USP7: variants seen among roughly 807,000 people sequenced by gnomAD.
USP7 encodes the protein ubiquitin specific peptidase 7, also known as ubiquitin C-terminal hydrolase 7.
In USP7, 9 loss-of-function variants were observed where a neutral mutation model predicts 162.9. The ratio of observed to expected loss-of-function variants is 0.06; its 90% CI spans 0.03 to 0.10. The LOEUF is 0.10. Among genes scored for constraint, USP7 ranks in the 10% least tolerant of loss-of-function variants. USP7 has a pLI of 1.00. For missense variants in USP7, 715 were observed against 1,373.7 expected, an observed-to-expected ratio of 0.52 and a Z score of 7.58; for synonymous variants, 562 against 475.9, an observed-to-expected ratio of 1.18 and a Z score of -2.35.
In USP7 at chr16:8,897,698, CAAAA is replaced by C. The variant is rs55635828; in HGVS notation, c.2719-603_2719-600del. 7.6e-4 allele frequency among the ~76,000 whole-genome samples: 27 copies of C among 35,596 alleles called. 1 individual carries two copies. The highest frequency in any genetic ancestry group is 1.2e-3 in the East Asian group (1 of 842). The allele number at this position is 35,596 out of a possible 152,430, so 23.4% of individuals were successfully genotyped here. A position where few individuals can be genotyped will look rare whatever the true frequency, so the allele number is the denominator to read the frequency against. On this transcript the variant is annotated intron_variant, in intron 25 of 30. Transcript: ENST00000344836. ...GCAATATAGTGAGACCCTGTCTCTA[CAAAA>C]AAAAAAAAAAAAAAAAAAAAAAAAA...
intron 10 of USP7, among the ~76,000 whole-genome samples, chr16:8,913,948 G>C (rs1477641304): frequency 6.6e-6 from 1 of 151,838 alleles, no homozygotes; most frequent in African/African-American, 2.4e-5. Context: ...ATGTTGCCCA[G>C]GCTGGCCTCA....
intron 2 of USP7, among the ~76,000 whole-genome samples, chr16:8,927,336 GAAAGTT>G (rs796801010): frequency 1.3e-5 from 2 of 151,546 alleles, no homozygotes; most frequent in South Asian, 4.2e-4. Flanking sequence ...AAAAAAGAAA[GAAAGTT>G]AAAGAAAAAC....
intron 1 of USP7, among the ~76,000 whole-genome samples, chr16:8,958,620 A>C (rs899120094): frequency 2.6e-5 from 4 of 152,180 alleles, no homozygotes; most frequent in Admixed American, 6.5e-5. Flanking sequence ...TAGAGACAGC[A>C]GAGTTCAAAG....
At position 8,892,530 on chromosome 16, in the gene USP7, C is replaced by T. The variant is rs897274720; in HGVS notation, c.*1468G>A. 7 of 151,320 alleles carry T rather than the reference C, an allele frequency of 4.6e-5. No homozygotes were observed. The highest frequency in any genetic ancestry group is 2.0e-4 in the East Asian group (1 of 5,104). 9.4% of individuals were successfully genotyped at this position (151,320 alleles called of 1,614,324 possible). On this transcript the variant is annotated 3_prime_UTR_variant, in exon 31 of 31. Transcript: ENST00000344836. Reference sequence around the variant, plus strand: ...CTCGTGACACATCAGGTCACATCTCCAGTCACCTTATTTGTACACAGTTCT... The same window carrying T: ...CTCGTGACACATCAGGTCACATCTCTAGTCACCTTATTTGTACACAGTTCT...
chr16:8,928,228 C>T (rs933877457), intron 2 of USP7, among the ~76,000 whole-genome samples: 1 of 152,158 alleles, frequency 6.6e-6, no homozygotes, highest in Admixed American at 6.5e-5. Flanking sequence ...CTGTGCAAAT[C>T]AGTCAAGTCG....
intron 2 of USP7, among the ~76,000 whole-genome samples, chr16:8,923,944 T>G (rs1897848834): frequency 1.3e-5 from 2 of 152,116 alleles, no homozygotes; most frequent in South Asian, 4.1e-4. Context: ...TGATAATAAA[T>G]GCTAACCTCA....
chr16:8,948,308 G>C (rs949524619), intron 1 of USP7, among the ~76,000 whole-genome samples: 16 of 152,092 alleles, frequency 1.1e-4, no homozygotes, highest in Non-Finnish European at 7.3e-5. Context: ...TCAGCCTCCA[G>C]AGTAGCTGGA....
intron 1 of USP7, among the ~76,000 whole-genome samples, chr16:8,959,163 C>T (rs1899912788): frequency 6.6e-6 from 1 of 152,140 alleles, no homozygotes; most frequent in African/African-American, 2.4e-5. Flanking sequence ...CATGAATGAC[C>T]TCCTTTAAGG....
intron 2 of USP7, among the ~76,000 whole-genome samples, chr16:8,925,087 C>G (rs1377970100): frequency 6.6e-6 from 1 of 152,134 alleles, no homozygotes; most frequent in Non-Finnish European, 1.5e-5. Context: ...CAATTCACAG[C>G]TGATCAGGAG....
chr16:8,897,726 A>AAAAATATATATAT lies in USP7; in HGVS notation c.2719-628_2719-627insATATATATATTTT, dbSNP rs1555461671. Among the ~76,000 whole-genome samples the AAAAATATATATAT allele has an allele frequency of 4.6e-3, 33 of 7,142 alleles. 2 individuals carry two copies. The highest frequency in any genetic ancestry group is 0.013 in the Admixed American group (4 of 316). The allele number at this position is 7,142 out of a possible 152,430, so 4.7% of individuals were successfully genotyped here. On this transcript the variant is annotated intron_variant, in intron 25 of 30. Transcript: ENST00000344836. ...AAAAAAAAAAAAAAAAAAAAAAAAA[A>AAAAATATATATAT]ATATATATATATATATATATAAATG... is the stretch of plus-strand genomic sequence containing the variant.
chr16:8,907,059 A>G (rs1447597759), intron 12 of USP7, among the ~76,000 whole-genome samples: 10 of 152,196 alleles, frequency 6.6e-5, no homozygotes, highest in African/African-American at 1.7e-4. Context: ...GGCAAGTTAG[A>G]CGGGTGGGGG....
At chr16:8,936,968 G>C (rs1898774512) in intron 1 of USP7, among the ~76,000 whole-genome samples, 1 of 152,052 alleles carries the variant, frequency 6.6e-6, no homozygotes, top group Non-Finnish European at 1.5e-5. Flanking sequence ...AGTCGCTGGG[G>C]GGCACACAGG....
chr16:8,939,799 C>A (rs1361609547), intron 1 of USP7, among the ~76,000 whole-genome samples: 4 of 152,178 alleles, frequency 2.6e-5, no homozygotes, highest in Non-Finnish European at 5.9e-5. Flanking sequence ...CAACCACTCC[C>A]CTAAAGAAGA....
intron 2 of USP7, among the ~76,000 whole-genome samples, chr16:8,924,751 T>C (rs1331579662): frequency 6.6e-6 from 1 of 152,228 alleles, no homozygotes; most frequent in Non-Finnish European, 1.5e-5. Flanking sequence ...AACATGTCCA[T>C]CAGTCCTCCT....
intron 8 of USP7, among the ~76,000 whole-genome samples, chr16:8,916,063 G>C (rs1897350662): frequency 6.6e-6 from 1 of 152,224 alleles, no homozygotes; most frequent in African/African-American, 2.4e-5. Context: ...CTAGTGATTA[G>C]TGATGGCGCG....
intron 20 of USP7, 79 bp downstream of exon 20, chr16:8,900,911 T>C (rs1227688901): frequency 2.1e-6 from 3 of 1,441,070 alleles, no homozygotes; most frequent in Non-Finnish European, 1.9e-6. Flanking sequence ...CTGTAACAAA[T>C]TCGGGGTAAA....
At chr16:8,897,390 A>T in intron 25 of USP7, 1 of 362,220 alleles carries the variant, frequency 2.8e-6, no homozygotes, top group South Asian at 4.1e-5. Flanking sequence ...CCGAGGGGTC[A>T]CCCAGGGCCT....
chr16:8,900,486 C>G, intron 21 of USP7, 44 bp downstream of exon 21: 1 of 1,431,650 alleles, frequency 7.0e-7, no homozygotes, highest in Non-Finnish European at 9.4e-7. Flanking sequence ...TAAAAAAATC[C>G]TGAAATTAGT....
intron 1 of USP7, among the ~76,000 whole-genome samples, chr16:8,957,549 G>A (rs2141267734): frequency 6.7e-6 from 1 of 150,070 alleles, no homozygotes; most frequent in Middle Eastern, 3.4e-3. Context: ...TTCCACACCA[G>A]CCTGAACATA....
Sources: gnomAD v4.1 joint callset for allele counts (sites outside exome capture counted in the v4.1 genomes callset) on GRCh38, gnomAD v4.1.1 for gene constraint, MANE v1.5 for transcripts, NCBI Gene and HGNC (gene_info 2026-07-23, HGNC 2026-07-21) for gene names.